SYN3: variants seen among roughly 807,000 people sequenced by gnomAD.
SYN3 encodes synapsin III.
Under a neutral mutation model 65.8 loss-of-function variants are expected in SYN3, and 35 were observed. The ratio of observed to expected loss-of-function variants is 0.53; its 90% CI spans 0.41 to 0.70. The LOEUF is 0.70. Among genes scored for constraint, SYN3 ranks in the 30% least tolerant of loss-of-function variants. SYN3 has a pLI of 0.00. For missense variants in SYN3, 680 were observed against 749.0 expected (o/e 0.91, Z 1.08); for synonymous variants, 270 against 292.9 (o/e 0.92, Z 0.80).
chr22:32,635,897 C>A (rs1008015868), intron 6 of SYN3, among the ~76,000 whole-genome samples: 5 of 152,158 alleles, frequency 3.3e-5, no homozygotes, highest in African/African-American at 9.7e-5. Flanking sequence ...GAGAAAAAAT[C>A]CTCCTGATCC....
At chr22:32,832,456 G>GA (rs937098375) in intron 6 of SYN3, among the ~76,000 whole-genome samples, 5 of 150,788 alleles carry the variant, frequency 3.3e-5, no homozygotes, top group African/African-American at 9.7e-5. Context: ...AAAATGAATG[G>GA]AAAAAAACAG....
At chr22:32,664,974 T>A (rs2060269449) in intron 6 of SYN3, among the ~76,000 whole-genome samples, 1 of 147,466 alleles carries the variant, frequency 6.8e-6, no homozygotes. Flanking sequence ...CCAAAGTCCA[T>A]TGTATAATGT....
chr22:32,605,007 G>GAA (rs543726592), intron 6 of SYN3, among the ~76,000 whole-genome samples: 1,129 of 91,056 alleles, frequency 0.012, 12 homozygotes, highest in East Asian at 0.054. Flanking sequence ...CTCCATCTCA[G>GAA]AAAAAAAAAA....
chr22:32,567,465 A>G lies in SYN3; in HGVS notation c.775-25752T>C, dbSNP rs116709099. 7.2e-3 allele frequency among the ~76,000 whole-genome samples: 1,095 copies of G among 152,050 alleles called. 6 individuals carry two copies. Among genetic ancestry groups the G allele is most frequent in the African/African-American group, 0.024 (1,009 of 41,478 alleles). On this transcript the variant is annotated intron_variant, in intron 7 of 13. Transcript: ENST00000358763. Reference sequence around the variant, plus strand: ...GAACACAGAGCCAAAAGAGATTAAGATTCCCGCCTCCATGGAGCTTATGGC... The same window carrying G: ...GAACACAGAGCCAAAAGAGATTAAGGTTCCCGCCTCCATGGAGCTTATGGC...
chr22:32,616,140 G>T (rs1198150424), intron 6 of SYN3, among the ~76,000 whole-genome samples: 1 of 152,200 alleles, frequency 6.6e-6, no homozygotes, highest in Non-Finnish European at 1.5e-5. Context: ...GAGTTTCCGT[G>T]TAGAAGCCCC....
intron 12 of SYN3, among the ~76,000 whole-genome samples, chr22:32,522,473 A>G (rs2057901820): frequency 6.6e-6 from 1 of 152,160 alleles, no homozygotes. Flanking sequence ...GCAGAGGGGA[A>G]AGGAGGGTGT....
intron 6 of SYN3, among the ~76,000 whole-genome samples, chr22:32,617,240 G>A (rs2059533287): frequency 6.6e-6 from 1 of 152,064 alleles, no homozygotes; most frequent in South Asian, 2.1e-4. Flanking sequence ...AAAAAAGAAG[G>A]ACCCTCCTCA....
intron 4 of SYN3, among the ~76,000 whole-genome samples, chr22:32,885,441 C>A (rs184616780): frequency 9.2e-5 from 14 of 152,282 alleles, no homozygotes; most frequent in Middle Eastern, 3.4e-3. Context: ...CCGGGCCATA[C>A]CCTCATGCCT....
At chr22:32,840,877 C>G (rs1024734539) in intron 6 of SYN3, among the ~76,000 whole-genome samples, 1 of 152,210 alleles carries the variant, frequency 6.6e-6, no homozygotes, top group Non-Finnish European at 1.5e-5. Flanking sequence ...TGGTCTCTCT[C>G]ACCTCTGGCC....
chr22:32,599,916 T>C (rs749020488), intron 6 of SYN3, among the ~76,000 whole-genome samples: 17 of 152,052 alleles, frequency 1.1e-4, no homozygotes, highest in Non-Finnish European at 2.5e-4. Context: ...TGAGGCAGCA[T>C]GGCAGGAAGC....
chr22:32,697,858 C>T (rs1262001237), intron 6 of SYN3, among the ~76,000 whole-genome samples: 1 of 152,190 alleles, frequency 6.6e-6, no homozygotes, highest in Non-Finnish European at 1.5e-5. Context: ...AACAAGCACT[C>T]ACACATTTCT....
intron 6 of SYN3, among the ~76,000 whole-genome samples, chr22:32,851,485 C>T (rs2048216085): frequency 6.6e-6 from 1 of 152,140 alleles, no homozygotes; most frequent in Non-Finnish European, 1.5e-5. Context: ...CAGACACTCC[C>T]ACTCCCAGGC....
At chr22:32,883,923 G>T (rs997096553) in intron 4 of SYN3, among the ~76,000 whole-genome samples, 2 of 152,204 alleles carry the variant, frequency 1.3e-5, no homozygotes, top group Admixed American at 6.5e-5. Context: ...AGACATCACT[G>T]ATTACAGTAT....
chr22:32,781,084 C>CTCCCTTCCTCCCTTCCATT, intron 6 of SYN3, among the ~76,000 whole-genome samples: 1 of 125,528 alleles, frequency 8.0e-6, no homozygotes, highest in Non-Finnish European at 1.7e-5. Context: ...TCCCTTCCAT[C>CTCCCTTCCTCCCTTCCATT]CTCCCTTCCT....
chr22:32,824,729 C>T (rs2047351339), intron 6 of SYN3, among the ~76,000 whole-genome samples: 1 of 152,146 alleles, frequency 6.6e-6, no homozygotes, highest in Admixed American at 6.5e-5. Flanking sequence ...GATCCATTTC[C>T]TCTGCTTTCG....
intron 7 of SYN3, among the ~76,000 whole-genome samples, chr22:32,590,147 C>T (rs1242062280): frequency 1.3e-5 from 2 of 152,212 alleles, no homozygotes; most frequent in African/African-American, 2.4e-5. Flanking sequence ...ATGACTATCC[C>T]TTCCGTCCTC....
intron 6 of SYN3, among the ~76,000 whole-genome samples, chr22:32,674,171 T>C (rs1374665182): frequency 6.6e-6 from 1 of 151,962 alleles, no homozygotes; most frequent in Non-Finnish European, 1.5e-5. Context: ...TGATGCCAGG[T>C]TTCTGGTTTA....
intron 7 of SYN3, among the ~76,000 whole-genome samples, chr22:32,577,543 A>T (rs185021725): frequency 4.0e-4 from 61 of 152,358 alleles, no homozygotes; most frequent in African/African-American, 1.4e-3. Flanking sequence ...TGAAAATATC[A>T]TTGGAGATTT....
At chr22:32,962,862 T>A (rs1418220309) in intron 3 of SYN3, among the ~76,000 whole-genome samples, 1 of 151,046 alleles carries the variant, frequency 6.6e-6, no homozygotes, top group African/African-American at 2.4e-5. Flanking sequence ...CTGTCTGTCT[T>A]ACCTACCTAC....
Sources: gnomAD v4.1 joint callset for allele counts (sites outside exome capture counted in the v4.1 genomes callset) on GRCh38, gnomAD v4.1.1 for gene constraint, MANE v1.5 for transcripts, NCBI Gene and HGNC (gene_info 2026-07-23, HGNC 2026-07-21) for gene names.